CCAR1: variants seen among roughly 807,000 people sequenced by gnomAD.
CCAR1 encodes cell division cycle and apoptosis regulator 1.
In CCAR1, 78 loss-of-function variants were observed where a neutral mutation model predicts 163.8. That is an observed-to-expected ratio of 0.48 (90% CI 0.40 to 0.57). The LOEUF is 0.57. CCAR1 is among the 20% of genes least tolerant of loss of function. The pLI is 0.00. For synonymous variants in CCAR1, 443 were observed against 460.7 expected (o/e 0.96, Z 0.49); for missense variants, 1,019 against 1,365.2 (o/e 0.75, Z 4.00).
intron 19 of CCAR1, among the ~76,000 whole-genome samples, chr10:68,774,388 A>G (rs1452792240): frequency 6.6e-6 from 1 of 152,092 alleles, no homozygotes; most frequent in Non-Finnish European, 1.5e-5. Context: ...CTGTAATCTC[A>G]GCACTTTGGG....
intron 19 of CCAR1, among the ~76,000 whole-genome samples, chr10:68,782,648 T>C (rs2056750121): frequency 6.6e-6 from 1 of 152,212 alleles, no homozygotes; most frequent in African/African-American, 2.4e-5. Flanking sequence ...GACTTTAAGC[T>C]GAAGCCAGTA....
At chr10:68,762,988 T>TTATGGA (rs1223316232) in intron 16 of CCAR1, among the ~76,000 whole-genome samples, 1 of 152,180 alleles carries the variant, frequency 6.6e-6, no homozygotes, top group Non-Finnish European at 1.5e-5. Context: ...AGAAATTTTA[T>TTATGGA]TATGGATATG....
At chr10:68,743,571 C>G (rs185259760) in intron 6 of CCAR1, among the ~76,000 whole-genome samples, 71 of 151,686 alleles carry the variant, frequency 4.7e-4, no homozygotes, top group South Asian at 2.3e-3. Context: ...TTCAGACAGT[C>G]TCATTCTGTC....
intron 16 of CCAR1, 106 bp from the exon 17 acceptor site, chr10:68,765,782 T>C (rs2056528605): frequency 1.3e-6 from 1 of 746,846 alleles, no homozygotes; most frequent in South Asian, 2.0e-5. Flanking sequence ...CATGGGAATT[T>C]TGTTCCTTTT....
At chr10:68,767,728 A>C (rs1707799589) in intron 17 of CCAR1, among the ~76,000 whole-genome samples, 1 of 152,186 alleles carries the variant, frequency 6.6e-6, no homozygotes, top group Non-Finnish European at 1.5e-5. Context: ...CATGTTGGCC[A>C]GTCTGATCTT....
chr10:68,751,304 G>A (rs1398667195), intron 10 of CCAR1, among the ~76,000 whole-genome samples: 1 of 152,008 alleles, frequency 6.6e-6, no homozygotes, highest in African/African-American at 2.4e-5. Context: ...TGGGATTACA[G>A]GTGTGAGCCA....
chr10:68,742,919 G>T (rs2056201313), intron 6 of CCAR1, among the ~76,000 whole-genome samples: 1 of 151,964 alleles, frequency 6.6e-6, no homozygotes, highest in Admixed American at 6.6e-5. Flanking sequence ...CGCCTGGCCA[G>T]TGTAGCTATG....
intron 17 of CCAR1, among the ~76,000 whole-genome samples, chr10:68,769,766 C>T (rs528316484): frequency 3.3e-5 from 5 of 149,938 alleles, no homozygotes; most frequent in African/African-American, 1.2e-4. Flanking sequence ...ACGGTGAAAC[C>T]TCGTCTCTAC....
intron 2 of CCAR1, among the ~76,000 whole-genome samples, chr10:68,734,130 TTGAA>T (rs1201371426): frequency 6.6e-6 from 1 of 152,154 alleles, no homozygotes; most frequent in East Asian, 1.9e-4. Context: ...ACCTCAAACT[TTGAA>T]TGAATTTTTG....
intron 10 of CCAR1, among the ~76,000 whole-genome samples, chr10:68,752,158 T>TC (rs1298682814): frequency 6.6e-6 from 1 of 151,984 alleles, no homozygotes; most frequent in African/African-American, 2.4e-5. Context: ...GACCTCATGA[T>TC]CCGCCCACCT....
chr10:68,784,778 T>A (rs1272758406), intron 19 of CCAR1, among the ~76,000 whole-genome samples: 1 of 152,128 alleles, frequency 6.6e-6, no homozygotes, highest in African/African-American at 2.4e-5. Flanking sequence ...GGCAAGATCC[T>A]TTACCAGCAA....
chr10:68,768,024 A>T (rs1288077253), intron 17 of CCAR1, among the ~76,000 whole-genome samples: 1 of 152,202 alleles, frequency 6.6e-6, no homozygotes, highest in African/African-American at 2.4e-5. Flanking sequence ...TCTTATCAAC[A>T]TATCTTATGT....
In CCAR1 at chr10:68,749,946, T is replaced by C. The variant is rs74908228; in HGVS notation, c.1118+261T>C. On this transcript the variant is annotated intron_variant, in intron 10 of 24. Coordinates refer to ENST00000265872, the MANE Select transcript of CCAR1 (RefSeq NM_018237.4). ...TGTCATAACGTTATTCCCCTAAAGTTAGAATCAGTTAAGATCTAGACTTAC... is the reference window on the plus strand; with the variant it reads ...TGTCATAACGTTATTCCCCTAAAGTCAGAATCAGTTAAGATCTAGACTTAC... Among the ~76,000 whole-genome samples, 379 of 152,278 alleles carry C rather than the reference T, an allele frequency of 2.5e-3. 1 individual carries two copies. The highest frequency in any genetic ancestry group is 8.7e-3 in the African/African-American group (363 of 41,540).
chr10:68,756,818 T>C lies in CCAR1; in HGVS notation c.1836+335T>C, dbSNP rs1052227436. 2.0e-5 allele frequency among the ~76,000 whole-genome samples: 3 copies of C among 152,226 alleles called. No homozygotes were observed. The highest frequency in any genetic ancestry group is 2.9e-5 in the Non-Finnish European group (2 of 68,038). On this transcript the variant is annotated intron_variant, in intron 14 of 24. Transcript: ENST00000265872. This position sits in a 1 kb window ranked among gnomAD's most constrained non-coding sequence, Gnocchi z 5.1. ...TAAGCCATTTTAAACATTTTGCCAT[T>C]TTCTAAAATTTAAAAAATTTTCTTT...
intron 2 of CCAR1, among the ~76,000 whole-genome samples, chr10:68,726,113 TAA>T (rs747643778): frequency 1.2e-3 from 109 of 93,638 alleles, no homozygotes; most frequent in Non-Finnish European, 7.2e-4. Flanking sequence ...GACCCTGTCC[TAA>T]AAAAAAAAAA....
intron 13 of CCAR1, among the ~76,000 whole-genome samples, chr10:68,755,848 AT>A (rs1399046664): frequency 1.3e-5 from 2 of 151,874 alleles, no homozygotes; most frequent in Admixed American, 6.6e-5. Context: ...AGAGAACTTC[AT>A]TTCATTATAA....
chr10:68,788,088 T>C, intron 22 of CCAR1, 41 bp downstream of exon 22: 1 of 1,531,308 alleles, frequency 6.5e-7, no homozygotes, highest in African/African-American at 1.4e-5. Context: ...ATAAATATAC[T>C]AGTAATTAAA....
chr10:68,765,801 G>A, intron 16 of CCAR1, 87 bp from the exon 17 acceptor site: 1 of 852,108 alleles, frequency 1.2e-6, no homozygotes, highest in Non-Finnish European at 1.8e-6. Flanking sequence ...TTATTTATGA[G>A]ATATATATTC....
intron 2 of CCAR1, among the ~76,000 whole-genome samples, chr10:68,735,170 TG>T (rs565890988): frequency 5.3e-4 from 80 of 152,068 alleles, no homozygotes; most frequent in African/African-American, 1.8e-3. Context: ...AAACATAAGG[TG>T]ATCCCTTTTC....
Sources: gnomAD v4.1 joint callset for allele counts (sites outside exome capture counted in the v4.1 genomes callset) on GRCh38, gnomAD v4.1.1 for gene constraint, Gnocchi (gnomAD v3.1) non-coding constraint, MANE v1.5 for transcripts, NCBI Gene and HGNC (gene_info 2026-07-23, HGNC 2026-07-21) for gene names.